Variants in TTC7B observed in about 807,000 individuals in gnomAD.
The protein encoded by TTC7B is tetratricopeptide repeat domain 7B.
Under a neutral mutation model 106.8 loss-of-function variants are expected in TTC7B, and 28 were observed. The observed-to-expected ratio is 0.26, with a 90% CI of 0.19 to 0.36. The LOEUF (loss-of-function observed/expected upper bound fraction) is 0.36. TTC7B is among the 10% of genes least tolerant of loss of function. TTC7B has a pLI of 1.00. For missense variants in TTC7B, 862 were observed against 1,076.4 expected (o/e 0.80, Z 2.79); for synonymous variants, 405 against 430.6 (o/e 0.94, Z 0.74).
At chr14:90,589,045 T>C (rs1190140616) in intron 18 of TTC7B, among the ~76,000 whole-genome samples, 1 of 152,178 alleles carries the variant, frequency 6.6e-6, no homozygotes, top group Non-Finnish European at 1.5e-5. Context: ...AAAACTGAAA[T>C]ACCATTTTCT....
intron 14 of TTC7B, 134 bp from the exon 15 acceptor site, chr14:90,644,342 G>A: frequency 1.0e-6 from 1 of 961,816 alleles, no homozygotes; most frequent in Non-Finnish European, 1.5e-6. Context: ...GTTTCACATT[G>A]TGCCTCATTC....
At chr14:90,734,478 T>A (rs1566861926) in intron 4 of TTC7B, among the ~76,000 whole-genome samples, 1 of 150,992 alleles carries the variant, frequency 6.6e-6, no homozygotes, top group Non-Finnish European at 1.5e-5. Flanking sequence ...ACCTCATAGA[T>A]CTATAGGCTG....
intron 3 of TTC7B, among the ~76,000 whole-genome samples, chr14:90,755,216 A>C (rs979297948): frequency 1.3e-5 from 2 of 152,316 alleles, no homozygotes; most frequent in African/African-American, 4.8e-5. Context: ...CTTCTCTTAG[A>C]TATACACCTA....
chr14:90,676,256 G>T, intron 9 of TTC7B: 1 of 244,462 alleles, frequency 4.1e-6, no homozygotes, highest in Non-Finnish European at 7.4e-6. Context: ...AACTGCTTGA[G>T]AAATGTTTGC....
chr14:90,650,752 A>G (rs1357322258), intron 13 of TTC7B, among the ~76,000 whole-genome samples: 2 of 152,362 alleles, frequency 1.3e-5, no homozygotes, highest in African/African-American at 2.4e-5. Flanking sequence ...TCAATTCAGC[A>G]TCTTCAGAAG....
chr14:90,755,617 C>A (rs1306177853), intron 3 of TTC7B, among the ~76,000 whole-genome samples: 5 of 152,020 alleles, frequency 3.3e-5, no homozygotes, highest in African/African-American at 9.7e-5. Context: ...CATGATCACG[C>A]CACTGCACTC....
chr14:90,798,347 T>G (rs1209488232), intron 1 of TTC7B, among the ~76,000 whole-genome samples: 1 of 152,068 alleles, frequency 6.6e-6, no homozygotes, highest in Non-Finnish European at 1.5e-5. Flanking sequence ...GCACTAAGCT[T>G]TGGGATGGTT....
intron 19 of TTC7B, among the ~76,000 whole-genome samples, chr14:90,569,087 GC>G (rs1890918258): frequency 6.6e-6 from 1 of 152,172 alleles, no homozygotes; most frequent in Non-Finnish European, 1.5e-5. Flanking sequence ...ATCACCTGCA[GC>G]CTCAAAGACA....
At chr14:90,707,763 G>A (rs1201023662) in intron 5 of TTC7B, among the ~76,000 whole-genome samples, 1 of 152,204 alleles carries the variant, frequency 6.6e-6, no homozygotes, top group Non-Finnish European at 1.5e-5. Context: ...TTTGAAGGCT[G>A]AGAGAGGTGA....
chr14:90,578,223 A>G lies in TTC7B; in HGVS notation c.2193T>C (p.Asn731=), dbSNP rs150077314. Residue 731 remains asparagine (N), a synonymous_variant, in exon 19 of 20, where the codon AAT becomes AAC. Transcript: ENST00000328459. The surrounding 1 kb of genome is among the most constrained non-coding windows in gnomAD (Gnocchi z 4.7). ...CAATCTGGCCGCGCATGTAGAGGAC[A>G]TTGTGGGACATTGGGAAGAGGTTGG... is the stretch of plus-strand genomic sequence containing the variant. ...EAANLFPMSH[N]VLYMRGQIAE... The G allele has an allele frequency of 2.2e-5, 35 of 1,614,106 alleles. No homozygotes were observed. The African/African-American group carries it at 3.7e-4, about 17-fold the overall frequency.
chr14:90,596,057 C>T (rs551459157), intron 17 of TTC7B, among the ~76,000 whole-genome samples: 3 of 152,180 alleles, frequency 2.0e-5, no homozygotes, highest in African/African-American at 7.2e-5. Flanking sequence ...TCATTGAAGA[C>T]CCTAAAGAGG....
chr14:90,620,106 G>A (rs1566802287), intron 15 of TTC7B, among the ~76,000 whole-genome samples: 1 of 152,086 alleles, frequency 6.6e-6, no homozygotes, highest in Admixed American at 6.5e-5. Context: ...AGTCCAGGGC[G>A]GTGCGGTGCT....
intron 18 of TTC7B, among the ~76,000 whole-genome samples, chr14:90,590,960 C>G (rs1176827719): frequency 6.6e-6 from 1 of 152,180 alleles, no homozygotes; most frequent in African/African-American, 2.4e-5. Flanking sequence ...AAGCCACACC[C>G]ATTTGCTAGG....
intron 17 of TTC7B, among the ~76,000 whole-genome samples, chr14:90,607,488 C>G (rs1892692653): frequency 6.6e-6 from 1 of 152,250 alleles, no homozygotes; most frequent in Admixed American, 6.5e-5. Context: ...CATTTGATCT[C>G]AGGGTCACTT....
At chr14:90,730,883 C>T (rs1278845890) in intron 4 of TTC7B, among the ~76,000 whole-genome samples, 1 of 152,196 alleles carries the variant, frequency 6.6e-6, no homozygotes, top group Non-Finnish European at 1.5e-5. Flanking sequence ...GCACAAAAGA[C>T]TGCCAACTAA....
Position 90,657,255 on chromosome 14 carries a change from C to T in TTC7B, c.1260G>A (p.Leu420=), listed in dbSNP as rs750312902. The T allele has an allele frequency of 3.1e-6, 5 of 1,613,894 alleles. No homozygotes were observed. Among genetic ancestry groups the T allele is most frequent in the Middle Eastern group, 1.6e-4 (1 of 6,084 alleles). Residue 420 remains leucine, a synonymous_variant, in exon 11 of 20, where the codon CTG becomes CTA. Coordinates refer to ENST00000328459, the MANE Select transcript of TTC7B (RefSeq NM_001010854.2). The surrounding 1 kb of genome is among the most constrained non-coding windows in gnomAD (Gnocchi z 4.2). Reference sequence around the variant, plus strand: ...CTGGCTTCAGGCGGATACACTCTTTCAGCACCTTCACGGCACGGGCAGACT... The same window carrying T: ...CTGGCTTCAGGCGGATACACTCTTTTAGCACCTTCACGGCACGGGCAGACT... ...AGKSARAVKV[L]KECIRLKPDD... is the part of the protein sequence containing the mutation.
chr14:90,815,263 G>A (rs563175602), intron 1 of TTC7B, among the ~76,000 whole-genome samples: 1 of 152,178 alleles, frequency 6.6e-6, no homozygotes, highest in East Asian at 1.9e-4. Flanking sequence ...AAATATTAAA[G>A]ATACTCGCTT....
chr14:90,602,059 G>A (rs117705365), intron 17 of TTC7B: 880 of 454,116 alleles, frequency 1.9e-3, no homozygotes, highest in Non-Finnish European at 3.3e-3. Flanking sequence ...CATCTAGGTT[G>A]AGCTGGATTT....
Position 90,565,008 on chromosome 14 carries a change from G to T in TTC7B, c.2310+13098C>A, listed in dbSNP as rs143202366. Among the ~76,000 whole-genome samples, 688 of 152,322 alleles carry T rather than the reference G, an allele frequency of 4.5e-3. 10 individuals carry two copies. Among genetic ancestry groups the T allele is most frequent in the African/African-American group, 0.016 (659 of 41,568 alleles). On this transcript the variant is annotated intron_variant, in intron 19 of 19. Coordinates refer to ENST00000328459, the MANE Select transcript of TTC7B (RefSeq NM_001010854.2). ...TGCAGCTTCTCTGTCTGCACTTGTT[G>T]CTTCACTTTGCACTTTTATGTTATG...
Sources: allele counts gnomAD v4.1 joint callset (sites outside exome capture counted in the v4.1 genomes callset), GRCh38; gene constraint gnomAD v4.1.1; non-coding constraint Gnocchi (gnomAD v3.1); transcripts MANE v1.5; gene names NCBI Gene and HGNC (gene_info 2026-07-23, HGNC 2026-07-21).